Variants in NKAIN3 observed in about 807,000 individuals in gnomAD.
NKAIN3 encodes the protein sodium/potassium-transporting ATPase subunit beta-1-interacting protein 3.
NKAIN3 carries 25 observed loss-of-function variants against 30.2 expected under a neutral mutation model. The ratio of observed to expected loss-of-function variants is 0.83; its 90% CI spans 0.60 to 1.16. The LOEUF (loss-of-function observed/expected upper bound fraction) is 1.16. Among genes scored for constraint, NKAIN3 ranks in the 50% most tolerant of loss-of-function variants. The pLI, the probability that NKAIN3 is intolerant of heterozygous loss-of-function variation, is 0.00. For synonymous variants in NKAIN3, 91 were observed against 89.6 expected (o/e 1.02, Z -0.09); for missense variants, 225 against 254.1 (o/e 0.89, Z 0.78).
At chr8:62,989,194 G>A (rs558025468), downstream of NKAIN3, among the ~76,000 whole-genome samples, 1 of 152,150 alleles carries the variant, frequency 6.6e-6, no homozygotes, top group Non-Finnish European at 1.5e-5. Context: ...CTTCCAAACT[G>A]TTCCACCTGT....
At chr8:62,593,175 G>T (rs1260714417) in intron 3 of NKAIN3, among the ~76,000 whole-genome samples, 1 of 151,856 alleles carries the variant, frequency 6.6e-6, no homozygotes, top group Non-Finnish European at 1.5e-5. Flanking sequence ...GACCAAGATG[G>T]CATTCTGGGC....
At chr8:62,926,413 T>C (rs1822444659) in intron 5 of NKAIN3, among the ~76,000 whole-genome samples, 1 of 152,178 alleles carries the variant, frequency 6.6e-6, no homozygotes, top group African/African-American at 2.4e-5. Flanking sequence ...TGCACGTCTG[T>C]CCCTAAGCTG....
chr8:62,584,634 T>G (rs1347525656), intron 2 of NKAIN3, among the ~76,000 whole-genome samples: 1 of 152,246 alleles, frequency 6.6e-6, no homozygotes, highest in Admixed American at 6.5e-5. Flanking sequence ...GACCACATGC[T>G]GCTTTTGCCT....
chr8:62,954,715 C>T (rs1023876138), intron 6 of NKAIN3, among the ~76,000 whole-genome samples: 4 of 152,206 alleles, frequency 2.6e-5, no homozygotes, highest in Admixed American at 2.6e-4. Context: ...TAATAGCTAT[C>T]ATACACTAAC....
chr8:62,996,346 C>G (rs929521447), intron 5 of NKAIN3, among the ~76,000 whole-genome samples: 4 of 150,674 alleles, frequency 2.7e-5, no homozygotes, highest in African/African-American at 9.7e-5. Context: ...CCCTCACTAT[C>G]ATGAGAACAG....
rs1012415562 is a variant in NKAIN3 at position 62,311,601 on chromosome 8, C to G, written c.54+62474C>G. Among the ~76,000 whole-genome samples, 16 of 150,440 alleles carry G rather than the reference C, an allele frequency of 1.1e-4. 2 individuals are homozygous for G. Among genetic ancestry groups the G allele is most frequent in the African/African-American group, 4.0e-4 (16 of 39,822 alleles). On this transcript the variant is annotated intron_variant, in intron 1 of 6. Coordinates refer to ENST00000623646, the MANE Select transcript of NKAIN3 (RefSeq NM_001304533.3). Reference sequence around the variant, plus strand: ...GGACTCCATGAGCCCCTCTGGGTGACTTAGGCTAATGGGGCATTTTTTTAA... The same window carrying G: ...GGACTCCATGAGCCCCTCTGGGTGAGTTAGGCTAATGGGGCATTTTTTTAA...
At chr8:62,547,537 G>T (rs1252794078) in intron 1 of NKAIN3, among the ~76,000 whole-genome samples, 1 of 152,142 alleles carries the variant, frequency 6.6e-6, no homozygotes, top group African/African-American at 2.4e-5. Flanking sequence ...GAGTGAGGAG[G>T]TTAGAAATCT....
chr8:62,880,751 A>C (rs1820951251), intron 4 of NKAIN3, among the ~76,000 whole-genome samples: 2 of 152,216 alleles, frequency 1.3e-5, no homozygotes, highest in South Asian at 4.1e-4. Flanking sequence ...TTCCTATTCC[A>C]CATAACTTTA....
At chr8:62,408,373 A>G (rs1299509271) in intron 1 of NKAIN3, among the ~76,000 whole-genome samples, 1 of 152,170 alleles carries the variant, frequency 6.6e-6, no homozygotes, top group East Asian at 1.9e-4. Context: ...GGAGTTGTGC[A>G]GTATACAGCC....
chr8:62,577,839 C>T (rs1042748562), intron 1 of NKAIN3, among the ~76,000 whole-genome samples: 1 of 151,878 alleles, frequency 6.6e-6, no homozygotes, highest in Non-Finnish European at 1.5e-5. Context: ...AGGAAATACC[C>T]GTGAAATGAA....
chr8:62,803,523 A>G (rs1477352201), intron 4 of NKAIN3, among the ~76,000 whole-genome samples: 3 of 152,232 alleles, frequency 2.0e-5, no homozygotes, highest in African/African-American at 4.8e-5. Flanking sequence ...TACTGGGTAC[A>G]TAAAGAAATG....
Position 62,831,323 on chromosome 8 carries a change from GA to G in NKAIN3, c.471+84199del, listed in dbSNP as rs532378090. 2.4e-3 allele frequency among the ~76,000 whole-genome samples: 369 copies of G among 152,246 alleles called. 1 individual carries two copies. Among genetic ancestry groups the G allele is most frequent in the African/African-American group, 8.4e-3 (350 of 41,564 alleles). ...ACCAGCACAAGAATTATGGCTCCAT[GA>G]AAAACCTGAATGTGGTGACACCAAA... On this transcript the variant is annotated intron_variant, in intron 4 of 6. Coordinates refer to ENST00000623646, the MANE Select transcript of NKAIN3 (RefSeq NM_001304533.3).
intron 4 of NKAIN3, among the ~76,000 whole-genome samples, chr8:62,797,731 T>A (rs1286232717): frequency 2.0e-5 from 3 of 152,152 alleles, no homozygotes; most frequent in Non-Finnish European, 4.4e-5. Context: ...CATGCTGAAG[T>A]CCTAACCCTC....
At chr8:62,861,625 C>T (rs1298118667) in intron 4 of NKAIN3, among the ~76,000 whole-genome samples, 1 of 152,214 alleles carries the variant, frequency 6.6e-6, no homozygotes, top group Non-Finnish European at 1.5e-5. Flanking sequence ...TTTTTCAGCC[C>T]AAAGCCCACC....
At chr8:62,356,868 T>C (rs1388650732) in intron 1 of NKAIN3, among the ~76,000 whole-genome samples, 1 of 152,058 alleles carries the variant, frequency 6.6e-6, no homozygotes. Context: ...TCCCAGCATT[T>C]TGGGAGGCCG....
At chr8:62,417,590 C>G (rs2129596491) in intron 1 of NKAIN3, among the ~76,000 whole-genome samples, 1 of 152,286 alleles carries the variant, frequency 6.6e-6, no homozygotes, top group East Asian at 1.9e-4. Flanking sequence ...TTCCTACCAA[C>G]AGTATACAAG....
intron 4 of NKAIN3, among the ~76,000 whole-genome samples, chr8:62,748,424 C>G (rs1179337267): frequency 6.6e-6 from 1 of 152,158 alleles, no homozygotes; most frequent in African/African-American, 2.4e-5. Context: ...AAGCATTTGT[C>G]AAGCCTCTAC....
chr8:62,949,369 G>A (rs1270214171), intron 5 of NKAIN3, among the ~76,000 whole-genome samples: 2 of 152,180 alleles, frequency 1.3e-5, no homozygotes, highest in Admixed American at 6.5e-5. Context: ...TTTTTTACAA[G>A]TAGAATACAA....
intron 3 of NKAIN3, among the ~76,000 whole-genome samples, chr8:62,619,324 T>C (rs966057552): frequency 2.0e-5 from 3 of 152,162 alleles, no homozygotes; most frequent in Non-Finnish European, 2.9e-5. Context: ...ATAAGAAATA[T>C]TTACAGTCTA....
Sources: allele counts gnomAD v4.1 joint callset (sites outside exome capture counted in the v4.1 genomes callset), GRCh38; gene constraint gnomAD v4.1.1; transcripts MANE v1.5; gene names NCBI Gene and HGNC (gene_info 2026-07-23, HGNC 2026-07-21).